The following GPM6A variants were observed in gnomAD, a reference collection of about 807,000 sequenced individuals.
GPM6A encodes the protein glycoprotein M6A, also known as neuronal membrane glycoprotein M6-a.
In GPM6A, 7 loss-of-function variants were observed where a neutral mutation model predicts 32.1. The ratio of observed to expected loss-of-function variants is 0.22; its 90% CI spans 0.12 to 0.41. The LOEUF is 0.41. GPM6A is among the 10% of genes least tolerant of loss of function. GPM6A has a pLI of 1.00. For missense variants in GPM6A, 235 were observed against 347.2 expected, an observed-to-expected ratio of 0.68 and a Z score of 2.57; for synonymous variants, 130 against 123.4, an observed-to-expected ratio of 1.05 and a Z score of -0.35.
chr4:175,953,281 C>T (rs994668416), intron 1 of GPM6A, among the ~76,000 whole-genome samples: 2 of 151,854 alleles, frequency 1.3e-5, no homozygotes, highest in East Asian at 1.9e-4. Context: ...GTGTTGGAAC[C>T]TCGGCTGTAT....
intron 2 of GPM6A, among the ~76,000 whole-genome samples, chr4:175,680,923 A>G (rs1259910751): frequency 6.6e-6 from 1 of 152,194 alleles, no homozygotes; most frequent in African/African-American, 2.4e-5. Flanking sequence ...CTCTATACAA[A>G]TTCATAGAGA....
intron 1 of GPM6A, chr4:175,806,222 A>G (rs1433062464): frequency 2.6e-5 from 4 of 152,198 alleles, no homozygotes; most frequent in Non-Finnish European, 4.4e-5. Context: ...TGAATCTCTC[A>G]TGAGCCATTG....
intron 2 of GPM6A, among the ~76,000 whole-genome samples, chr4:175,693,226 A>G (rs942639183): frequency 2.7e-5 from 4 of 150,878 alleles, no homozygotes; most frequent in African/African-American, 4.8e-5. Flanking sequence ...ACATTCATTA[A>G]AAGATTAATC....
chr4:175,669,555 G>A (rs1443022915), intron 3 of GPM6A, among the ~76,000 whole-genome samples: 2 of 152,012 alleles, frequency 1.3e-5, no homozygotes, highest in Non-Finnish European at 1.5e-5. Context: ...TTCAGATTTG[G>A]GATTTTCAGA....
chr4:175,874,148 G>A (rs985180100), intron 1 of GPM6A, among the ~76,000 whole-genome samples: 3 of 152,158 alleles, frequency 2.0e-5, no homozygotes, highest in Non-Finnish European at 4.4e-5. Flanking sequence ...CTTACGGCAG[G>A]TGGAATCTCA....
chr4:175,782,866 T>C (rs1485605099), intron 1 of GPM6A, among the ~76,000 whole-genome samples: 1 of 152,052 alleles, frequency 6.6e-6, no homozygotes, highest in Non-Finnish European at 1.5e-5. Context: ...TTATATACCA[T>C]CATTTTAAAA....
At chr4:175,807,431 G>C (rs987779499) in intron 1 of GPM6A, 1 of 152,180 alleles carries the variant, frequency 6.6e-6, no homozygotes, top group Admixed American at 6.5e-5. Context: ...GTTTTACTTA[G>C]AGGTCTTTCG....
chr4:175,798,045 T>A (rs61310736), intron 1 of GPM6A, among the ~76,000 whole-genome samples: 339 of 152,192 alleles, frequency 2.2e-3, no homozygotes, highest in African/African-American at 7.7e-3. Flanking sequence ...GTTGGGGAAA[T>A]GAAGTGCCGT....
chr4:175,764,124 C>T (rs1560920451), intron 1 of GPM6A, among the ~76,000 whole-genome samples: 1 of 152,102 alleles, frequency 6.6e-6, no homozygotes, highest in Non-Finnish European at 1.5e-5. Flanking sequence ...AGAACGTTTT[C>T]ATCATCCCAA....
At chr4:175,830,110 G>A (rs758355368) in intron 1 of GPM6A, among the ~76,000 whole-genome samples, 10 of 152,136 alleles carry the variant, frequency 6.6e-5, no homozygotes, top group Admixed American at 5.2e-4. Flanking sequence ...GAGACAGAAG[G>A]GAGGAAAATG....
At chr4:175,934,179 C>T (rs140374441) in intron 1 of GPM6A, among the ~76,000 whole-genome samples, 1 of 152,268 alleles carries the variant, frequency 6.6e-6, no homozygotes, top group East Asian at 1.9e-4. Context: ...CAAAATTCAT[C>T]AAACGCTATG....
At chr4:175,650,472 T>C (rs1741738205) in intron 4 of GPM6A, among the ~76,000 whole-genome samples, 1 of 152,024 alleles carries the variant, frequency 6.6e-6, no homozygotes, top group South Asian at 2.1e-4. Context: ...GCCTGGCTAA[T>C]TTTTTAATTT....
At chr4:176,002,243 T>C in intron 1 of GPM6A, 1 of 1,515,884 alleles carries the variant, frequency 6.6e-7, no homozygotes, top group Non-Finnish European at 9.1e-7. Context: ...TTCATTTTCT[T>C]TCTATAATGC....
At chr4:175,983,882 A>T (rs981085242) in intron 1 of GPM6A, among the ~76,000 whole-genome samples, 2 of 151,868 alleles carry the variant, frequency 1.3e-5, no homozygotes, top group Middle Eastern at 3.2e-3. Flanking sequence ...GGCGGGTCAG[A>T]CTCCCCAGGG....
At chr4:175,880,718 G>A (rs1216977854) in intron 1 of GPM6A, among the ~76,000 whole-genome samples, 1 of 152,112 alleles carries the variant, frequency 6.6e-6, no homozygotes, top group East Asian at 1.9e-4. Context: ...GACTGCTTGT[G>A]ATTTTTGCAC....
At chr4:175,792,196 C>A (rs1462298599) in intron 1 of GPM6A, among the ~76,000 whole-genome samples, 1 of 152,078 alleles carries the variant, frequency 6.6e-6, no homozygotes, top group Non-Finnish European at 1.5e-5. Flanking sequence ...TATGTTTAAT[C>A]CCTCTGTTTA....
intron 1 of GPM6A, among the ~76,000 whole-genome samples, chr4:175,822,605 T>G (rs1735310432): frequency 6.6e-6 from 1 of 152,200 alleles, no homozygotes; most frequent in African/African-American, 2.4e-5. Context: ...AGAGTGCTTA[T>G]TTCTAGAAAG....
At chr4:175,869,148 C>T (rs549798726) in intron 1 of GPM6A, among the ~76,000 whole-genome samples, 132 of 152,302 alleles carry the variant, frequency 8.7e-4, no homozygotes, top group African/African-American at 3.0e-3. Context: ...CAAAGCTACT[C>T]TCAATTTGTC....
At chr4:175,684,727 A>G (rs1304329327) in intron 2 of GPM6A, among the ~76,000 whole-genome samples, 1 of 152,156 alleles carries the variant, frequency 6.6e-6, no homozygotes, top group Non-Finnish European at 1.5e-5. Context: ...ATTCTGTTCC[A>G]TAAATCTGTT....
Sources: allele counts gnomAD v4.1 joint callset (sites outside exome capture counted in the v4.1 genomes callset), GRCh38; gene constraint gnomAD v4.1.1; transcripts MANE v1.5; gene names NCBI Gene and HGNC (gene_info 2026-07-23, HGNC 2026-07-21).